AUTS2: variants seen among roughly 807,000 people sequenced by gnomAD.
AUTS2 encodes the protein autism susceptibility gene 2 protein.
In AUTS2, 17 loss-of-function variants were observed where a neutral mutation model predicts 112.4. The ratio of observed to expected loss-of-function variants is 0.15; its 90% CI spans 0.10 to 0.23. The LOEUF is 0.23. Ranked by LOEUF, AUTS2 falls within the 10% of genes least tolerant of loss-of-function variation. AUTS2 has a pLI of 1.00. For synonymous variants in AUTS2, 751 were observed against 702.7 expected, an observed-to-expected ratio of 1.07 and a Z score of -1.09; for missense variants, 1,510 against 1,701.6, an observed-to-expected ratio of 0.89 and a Z score of 1.98.
chr7:70,780,210 A>G (rs762252106), intron 14 of AUTS2, among the ~76,000 whole-genome samples: 3 of 152,106 alleles, frequency 2.0e-5, no homozygotes, highest in Non-Finnish European at 4.4e-5. Flanking sequence ...GAAAGCTGTC[A>G]AGAAACAAGG....
At chr7:69,602,020 G>GTATATATATATATATATATATA (rs1173266676) in intron 1 of AUTS2, among the ~76,000 whole-genome samples, 3 of 68,382 alleles carry the variant, frequency 4.4e-5, no homozygotes, top group Admixed American at 1.5e-4. Context: ...ATGTGTGTGT[G>GTATATATATATATATATATATA]TATATATATA....
intron 4 of AUTS2, among the ~76,000 whole-genome samples, chr7:70,177,792 AT>A (rs1307764422): frequency 8.7e-6 from 1 of 114,376 alleles, no homozygotes; most frequent in Non-Finnish European, 1.9e-5. Flanking sequence ...TTCATTTTTA[AT>A]TAAATCTGTC....
chr7:70,714,527 T>C (rs1196375937), intron 6 of AUTS2, among the ~76,000 whole-genome samples: 1 of 152,214 alleles, frequency 6.6e-6, no homozygotes, highest in Non-Finnish European at 1.5e-5. Flanking sequence ...TCCATGATTG[T>C]CCCACAAGGG....
chr7:69,939,909 A>G (rs1295109532), intron 2 of AUTS2, among the ~76,000 whole-genome samples: 1 of 152,214 alleles, frequency 6.6e-6, no homozygotes, highest in African/African-American at 2.4e-5. Flanking sequence ...TGTATTTGAC[A>G]TTGCATGTAT....
intron 4 of AUTS2, among the ~76,000 whole-genome samples, chr7:70,262,270 A>G (rs962074159): frequency 3.9e-5 from 6 of 151,948 alleles, no homozygotes; most frequent in East Asian, 1.9e-4. Flanking sequence ...GCTCACTGCA[A>G]CCTCTGCCTC....
At chr7:70,442,684 C>T (rs778983647) in intron 5 of AUTS2, among the ~76,000 whole-genome samples, 2 of 152,126 alleles carry the variant, frequency 1.3e-5, no homozygotes, top group African/African-American at 2.4e-5. Flanking sequence ...GACAGGGTTT[C>T]ACCATGTTGG....
intron 4 of AUTS2, among the ~76,000 whole-genome samples, chr7:70,306,494 C>A (rs994573041): frequency 6.6e-6 from 1 of 152,160 alleles, no homozygotes; most frequent in Non-Finnish European, 1.5e-5. Context: ...GTAGCCTATA[C>A]AAAACATAAA....
At chr7:70,638,831 T>C (rs1393006326) in intron 5 of AUTS2, among the ~76,000 whole-genome samples, 1 of 152,212 alleles carries the variant, frequency 6.6e-6, no homozygotes, top group African/African-American at 2.4e-5. Context: ...ATGGCTTAAA[T>C]CTCGGTCCAT....
intron 1 of AUTS2, among the ~76,000 whole-genome samples, chr7:69,668,432 A>T (rs1796169521): frequency 6.6e-6 from 1 of 152,222 alleles, no homozygotes; most frequent in Non-Finnish European, 1.5e-5. Flanking sequence ...CCTCTATCAA[A>T]ACAGGCCCAC....
chr7:70,081,386 A>G (rs1046331126), intron 2 of AUTS2, among the ~76,000 whole-genome samples: 1 of 111,678 alleles, frequency 9.0e-6, no homozygotes, highest in African/African-American at 3.7e-5. Context: ...CCCCGTCTCT[A>G]TAAAAAAAAA....
intron 5 of AUTS2, among the ~76,000 whole-genome samples, chr7:70,446,475 G>A (rs935876163): frequency 2.5e-4 from 38 of 152,142 alleles, no homozygotes; most frequent in African/African-American, 9.2e-4. Context: ...TAGAAAATTT[G>A]TATTTACTTT....
chr7:70,740,387 G>C (rs1788033127), intron 6 of AUTS2, among the ~76,000 whole-genome samples: 1 of 152,102 alleles, frequency 6.6e-6, no homozygotes, highest in Non-Finnish European at 1.5e-5. Context: ...CTGTCATTGA[G>C]AGTTGTCCTT....
At chr7:69,914,412 A>G (rs539233270) in intron 2 of AUTS2, among the ~76,000 whole-genome samples, 6 of 149,942 alleles carry the variant, frequency 4.0e-5, no homozygotes, top group Non-Finnish European at 8.9e-5. Context: ...CCAGACCCCA[A>G]TACAGTATGA....
At chr7:70,022,685 G>A (rs1245251748) in intron 2 of AUTS2, among the ~76,000 whole-genome samples, 1 of 151,850 alleles carries the variant, frequency 6.6e-6, no homozygotes, top group Non-Finnish European at 1.5e-5. Context: ...TATTAAATAA[G>A]TGAGCTATTT....
chr7:70,277,634 A>G (rs1481538786), intron 4 of AUTS2, among the ~76,000 whole-genome samples: 1 of 152,148 alleles, frequency 6.6e-6, no homozygotes, highest in Non-Finnish European at 1.5e-5. Flanking sequence ...TTATTTTGAT[A>G]GAGAGTAACA....
chr7:69,662,933 A>G (rs1191137014), intron 1 of AUTS2, among the ~76,000 whole-genome samples: 3 of 152,206 alleles, frequency 2.0e-5, no homozygotes, highest in Admixed American at 1.3e-4. Flanking sequence ...TGTTAGTTCT[A>G]TCCCGTGTGA....
chr7:70,017,765 C>A (rs549552996), intron 2 of AUTS2, among the ~76,000 whole-genome samples: 1 of 151,600 alleles, frequency 6.6e-6, no homozygotes, highest in South Asian at 2.1e-4. Context: ...TCAGAAACAA[C>A]CAGTTATATT....
At chr7:70,551,655 G>A (rs2085099513) in intron 5 of AUTS2, among the ~76,000 whole-genome samples, 1 of 152,078 alleles carries the variant, frequency 6.6e-6, no homozygotes, top group South Asian at 2.1e-4. Flanking sequence ...TGGGATCCTG[G>A]GACAGAGCAA....
chr7:70,741,418 G>A (rs1354019556), intron 6 of AUTS2, among the ~76,000 whole-genome samples: 2 of 152,156 alleles, frequency 1.3e-5, no homozygotes, highest in East Asian at 1.9e-4. Flanking sequence ...TAGGCCGGGC[G>A]CGGTGGCTTA....
Sources: allele counts gnomAD v4.1 joint callset (sites outside exome capture counted in the v4.1 genomes callset), GRCh38; gene constraint gnomAD v4.1.1; transcripts MANE v1.5; gene names NCBI Gene and HGNC (gene_info 2026-07-23, HGNC 2026-07-21).